Variants in TAS2R1 observed in about 807,000 individuals in gnomAD.
The protein encoded by TAS2R1 is taste receptor type 2 member 1.
For synonymous variants in TAS2R1, 141 were observed against 134.2 expected, an observed-to-expected ratio of 1.05 and a Z score of -0.35; for missense variants, 370 against 353.4, an observed-to-expected ratio of 1.05 and a Z score of -0.38.
chr5:9,691,201 A>C lies in TAS2R1; in HGVS notation c.-242+20971T>G, dbSNP rs186462365. ...GTCCTCATAAGAGACATTCAGAGGG[A>C]GACAGATAGACAGGGAGCAGAACAC... On this transcript the variant is annotated intron_variant, in intron 1 of 2. Transcript: ENST00000506620. Among the ~76,000 whole-genome samples, 393 of 152,332 alleles carry C rather than the reference A, an allele frequency of 2.6e-3. 1 individual carries two copies. The highest frequency in any genetic ancestry group is 4.0e-3 in the Non-Finnish European group (275 of 68,022).
the TAS2R1 span, among the ~76,000 whole-genome samples, chr5:9,852,380 C>T: frequency 6.6e-6 from 1 of 151,556 alleles, no homozygotes; most frequent in Non-Finnish European, 1.5e-5. Context: ...TTCATTCTCT[C>T]CTGTTTCTGT....
chr5:9,800,539 T>A, the TAS2R1 span, among the ~76,000 whole-genome samples: 1 of 150,830 alleles, frequency 6.6e-6, no homozygotes, highest in African/African-American at 2.4e-5. Flanking sequence ...GGAAGATGAA[T>A]AAGAATTGGC....
At chr5:9,897,532 T>C in the TAS2R1 span, among the ~76,000 whole-genome samples, 25 of 152,342 alleles carry the variant, frequency 1.6e-4, no homozygotes, top group South Asian at 3.5e-3. Context: ...ACTGTGTGTG[T>C]AAGTTTAGGC....
At chr5:9,705,163 T>C (rs1741577027) in intron 1 of TAS2R1, among the ~76,000 whole-genome samples, 1 of 151,880 alleles carries the variant, frequency 6.6e-6, no homozygotes, top group Non-Finnish European at 1.5e-5. Context: ...ATTCAGAAAA[T>C]TGCGTGCAAG....
chr5:9,846,651 T>TATC, the TAS2R1 span, among the ~76,000 whole-genome samples: 9 of 151,520 alleles, frequency 5.9e-5, 1 homozygote, highest in South Asian at 1.5e-3. Context: ...TATCTGCTCA[T>TATC]GTCTAAACCA....
At chr5:9,811,629 TTTC>T in the TAS2R1 span, among the ~76,000 whole-genome samples, 3 of 152,110 alleles carry the variant, frequency 2.0e-5, no homozygotes, top group Non-Finnish European at 4.4e-5. Context: ...TCTGTCCTTT[TTTC>T]TTCTTCTTCT....
the TAS2R1 span, among the ~76,000 whole-genome samples, chr5:9,839,117 TA>T: frequency 6.6e-6 from 1 of 152,150 alleles, no homozygotes. Flanking sequence ...GCGCAGCCGC[TA>T]GGGTAAAGAG....
chr5:9,893,760 C>A, the TAS2R1 span, among the ~76,000 whole-genome samples: 1 of 151,960 alleles, frequency 6.6e-6, no homozygotes, highest in Non-Finnish European at 1.5e-5. Flanking sequence ...TTTGCAGAAA[C>A]AACATAGATT....
chr5:9,816,244 T>C, the TAS2R1 span, among the ~76,000 whole-genome samples: 1 of 152,214 alleles, frequency 6.6e-6, no homozygotes, highest in Non-Finnish European at 1.5e-5. Context: ...ATGAACATGC[T>C]ATTAAGTCTT....
chr5:9,883,383 T>TA, the TAS2R1 span: 22 of 152,022 alleles, frequency 1.4e-4, no homozygotes, highest in African/African-American at 5.3e-4. Context: ...ACATAAAATT[T>TA]AAAAAAATAA....
the TAS2R1 span, among the ~76,000 whole-genome samples, chr5:9,849,374 A>G: frequency 6.6e-6 from 1 of 152,254 alleles, no homozygotes; most frequent in Non-Finnish European, 1.5e-5. Context: ...GCATGTTTCC[A>G]TGCATTGGAA....
At chr5:9,798,858 C>T in the TAS2R1 span, among the ~76,000 whole-genome samples, 1 of 152,218 alleles carries the variant, frequency 6.6e-6, no homozygotes, top group Non-Finnish European at 1.5e-5. Context: ...AGAAAGGATG[C>T]TCCTTCCAAA....
At chr5:9,876,245 A>C in the TAS2R1 span, among the ~76,000 whole-genome samples, 84 of 152,296 alleles carry the variant, frequency 5.5e-4, no homozygotes, top group African/African-American at 1.9e-3. Flanking sequence ...AAAAAAAAAA[A>C]AAAAGTTTGA....
chr5:9,717,554 G>C, the TAS2R1 span, among the ~76,000 whole-genome samples: 1 of 151,992 alleles, frequency 6.6e-6, no homozygotes, highest in East Asian at 1.9e-4. Context: ...GGAATAACTT[G>C]GTGGGGGTGA....
chr5:9,789,373 T>G, the TAS2R1 span, among the ~76,000 whole-genome samples: 1 of 152,230 alleles, frequency 6.6e-6, no homozygotes, highest in Non-Finnish European at 1.5e-5. Flanking sequence ...TAAGCTGCCT[T>G]GACGTGCGCA....
At chr5:9,865,419 G>A in the TAS2R1 span, among the ~76,000 whole-genome samples, 9,636 of 152,212 alleles carry the variant, frequency 0.063, 373 homozygotes, top group African/African-American at 0.076. Context: ...TAGTGATAAT[G>A]TATGTTAAAC....
chr5:9,838,910 T>C, the TAS2R1 span, among the ~76,000 whole-genome samples: 8 of 152,228 alleles, frequency 5.3e-5, no homozygotes, highest in South Asian at 2.1e-4. Flanking sequence ...ACATCTGAAA[T>C]GCAGTGAGAG....
chr5:9,816,533 T>C, the TAS2R1 span, among the ~76,000 whole-genome samples: 1 of 80,432 alleles, frequency 1.2e-5, no homozygotes. Flanking sequence ...AATCTATTGC[T>C]TTTTTTTTCT....
the TAS2R1 span, among the ~76,000 whole-genome samples, chr5:9,872,392 T>C: frequency 6.6e-6 from 1 of 152,232 alleles, no homozygotes; most frequent in South Asian, 2.1e-4. Flanking sequence ...TTCTAATTTT[T>C]ATAATTATTT....
Sources: allele counts gnomAD v4.1 joint callset (sites outside exome capture counted in the v4.1 genomes callset), GRCh38; gene constraint gnomAD v4.1.1; transcripts MANE v1.5; gene names NCBI Gene and HGNC (gene_info 2026-07-23, HGNC 2026-07-21).